IGF2BP3: variants seen among roughly 807,000 people sequenced by gnomAD.
IGF2BP3 encodes insulin-like growth factor 2 mRNA-binding protein 3.
IGF2BP3 carries 9 observed loss-of-function variants against 73.8 expected under a neutral mutation model. The observed-to-expected ratio is 0.12, with a 90% CI of 0.07 to 0.21. IGF2BP3 has a LOEUF of 0.21. Ranked by LOEUF, IGF2BP3 falls within the 10% of genes least tolerant of loss-of-function variation. The pLI is 1.00. For missense variants in IGF2BP3, 542 were observed against 714.0 expected (o/e 0.76, Z 2.75); for synonymous variants, 258 against 256.7 (o/e 1.01, Z -0.05).
intron 5 of IGF2BP3, among the ~76,000 whole-genome samples, chr7:23,352,392 G>A (rs549828524): frequency 2.1e-4 from 31 of 146,266 alleles, no homozygotes; most frequent in African/African-American, 7.8e-4. Context: ...GGGTTCAAGA[G>A]ATTCTTGTGC....
chr7:23,329,969 A>G (rs1023725180), intron 10 of IGF2BP3, among the ~76,000 whole-genome samples: 3 of 152,162 alleles, frequency 2.0e-5, no homozygotes, highest in East Asian at 1.9e-4. Flanking sequence ...GAAGCTCTCA[A>G]TGGGTATAGA....
At chr7:23,362,343 TC>T in intron 3 of IGF2BP3, among the ~76,000 whole-genome samples, 1 of 152,216 alleles carries the variant, frequency 6.6e-6, no homozygotes. Context: ...CTCGAATGGT[TC>T]TTACAAAACA....
In IGF2BP3 at chr7:23,312,322, G is replaced by A; in HGVS notation, c.*40C>T. The A allele has an allele frequency of 7.1e-7, 1 of 1,416,276 alleles. No individual in the cohort carries two copies. Among genetic ancestry groups the A allele is most frequent in the Non-Finnish European group, 1.0e-6 (1 of 1,001,556 alleles). 87.7% of individuals were successfully genotyped at this position (1,416,276 alleles called of 1,614,324 possible). On this transcript the variant is annotated 3_prime_UTR_variant, in exon 15 of 15. Transcript: ENST00000258729. The stretch of plus-strand genomic sequence containing the variant: ...CTGTTGGTTAAGCAATCTGTCTTTG[G>A]TTTGGCATCTGCCTCTGTGGTGGGC...
chr7:23,402,727 C>G (rs1295236251), intron 3 of IGF2BP3: 3 of 152,132 alleles, frequency 2.0e-5, no homozygotes, highest in Non-Finnish European at 2.9e-5. Context: ...TAAAAATCAG[C>G]TTGTCTTTTG....
chr7:23,409,511 G>A (rs750503601), intron 3 of IGF2BP3, among the ~76,000 whole-genome samples: 3 of 152,128 alleles, frequency 2.0e-5, no homozygotes, highest in South Asian at 2.1e-4. Flanking sequence ...TAAAGATACC[G>A]TAACCAAGAA....
chr7:23,445,054 T>C (rs1400406224), intron 2 of IGF2BP3, among the ~76,000 whole-genome samples: 2 of 152,154 alleles, frequency 1.3e-5, no homozygotes, highest in Non-Finnish European at 2.9e-5. Flanking sequence ...TGAGACCCTG[T>C]CTCTAAAAAA....
At chr7:23,451,713 C>A (rs1164627504) in intron 2 of IGF2BP3, among the ~76,000 whole-genome samples, 5 of 152,060 alleles carry the variant, frequency 3.3e-5, no homozygotes, top group Non-Finnish European at 5.9e-5. Context: ...CCTTGGGAGG[C>A]CGAGGCAAGC....
At chr7:23,373,269 CA>C (rs1017018427) in intron 3 of IGF2BP3, among the ~76,000 whole-genome samples, 1 of 152,134 alleles carries the variant, frequency 6.6e-6, no homozygotes, top group African/African-American at 2.4e-5. Context: ...TAAAAACATT[CA>C]AAATAGTTCA....
chr7:23,429,375 A>G (rs1392462304), intron 2 of IGF2BP3, among the ~76,000 whole-genome samples: 1 of 152,176 alleles, frequency 6.6e-6, no homozygotes, highest in Non-Finnish European at 1.5e-5. Flanking sequence ...TTAGGAAACA[A>G]AGGCAGAAGT....
At chr7:23,327,278 ATTTT>A (rs11332587) in intron 10 of IGF2BP3, among the ~76,000 whole-genome samples, 2 of 92,858 alleles carry the variant, frequency 2.2e-5, no homozygotes, top group Admixed American at 1.2e-4. Flanking sequence ...CTAATTTCTA[ATTTT>A]TTTTTTTTTT....
At chr7:23,423,906 T>A (rs1393957238) in intron 2 of IGF2BP3, among the ~76,000 whole-genome samples, 1 of 148,358 alleles carries the variant, frequency 6.7e-6, no homozygotes, top group East Asian at 2.1e-4. Flanking sequence ...GATCACGAGG[T>A]CAGAAGTTCG....
chr7:23,416,612 C>T (rs1243180698), intron 3 of IGF2BP3, among the ~76,000 whole-genome samples: 2 of 152,174 alleles, frequency 1.3e-5, no homozygotes, highest in Non-Finnish European at 2.9e-5. Context: ...TACATAAGGT[C>T]CGGTCATTCC....
At chr7:23,394,563 G>C (rs931667696) in intron 3 of IGF2BP3, 1 of 152,160 alleles carries the variant, frequency 6.6e-6, no homozygotes, top group Non-Finnish European at 1.5e-5. Flanking sequence ...TGAAGTTAGT[G>C]GTGAAGTTAA....
At chr7:23,390,798 GCCTTT>G (rs1786247599) in intron 3 of IGF2BP3, among the ~76,000 whole-genome samples, 2 of 143,708 alleles carry the variant, frequency 1.4e-5, no homozygotes, top group Non-Finnish European at 3.0e-5. Flanking sequence ...ATTTATTGTT[GCCTTT>G]TTTTTTTTTT....
intron 3 of IGF2BP3, among the ~76,000 whole-genome samples, chr7:23,374,211 A>T (rs183199663): frequency 6.6e-6 from 1 of 152,306 alleles, no homozygotes; most frequent in East Asian, 1.9e-4. Flanking sequence ...CCAATAATTG[A>T]AAGGTGAAAG....
rs532178988 is a variant in IGF2BP3, at chr7:23,469,607, G to C, written c.175+329C>G. 6.2e-6 allele frequency: 1 copy of C among 160,930 alleles called. No homozygotes were observed. Among genetic ancestry groups the C allele is most frequent in the African/African-American group, 2.4e-5 (1 of 41,844 alleles). The allele number at this position is 160,930 out of a possible 1,614,324, so 10.0% of individuals were successfully genotyped here. On this transcript the variant is annotated intron_variant, in intron 1 of 14. Coordinates refer to ENST00000258729, the MANE Select transcript of IGF2BP3 (RefSeq NM_006547.3). The surrounding 1 kb of genome is among the most constrained non-coding windows in gnomAD (Gnocchi z 6.1). ...TCGGCCCCCGAGGCCCAGCGTGCCG[G>C]GGCCTGGAGCACGCGCCTGGGCCCG... is the stretch of plus-strand genomic sequence containing the variant.
intron 3 of IGF2BP3, among the ~76,000 whole-genome samples, chr7:23,379,183 C>G (rs939308069): frequency 2.3e-4 from 35 of 152,206 alleles, no homozygotes; most frequent in Admixed American, 2.2e-3. Context: ...GAAATTTTTT[C>G]CTTTTGAAAT....
At chr7:23,356,026 G>A (rs775884662) in intron 5 of IGF2BP3, among the ~76,000 whole-genome samples, 5 of 151,938 alleles carry the variant, frequency 3.3e-5, no homozygotes, top group Non-Finnish European at 7.4e-5. Context: ...ACTTGAGGAA[G>A]AGGGGGAAAG....
At chr7:23,340,199 G>A (rs1758722103) in intron 10 of IGF2BP3, among the ~76,000 whole-genome samples, 1 of 152,062 alleles carries the variant, frequency 6.6e-6, no homozygotes, top group Admixed American at 6.6e-5. Flanking sequence ...GCCACTTCAG[G>A]GGGCACGTAA....
Sources: gnomAD v4.1 joint callset for allele counts (sites outside exome capture counted in the v4.1 genomes callset) on GRCh38, gnomAD v4.1.1 for gene constraint, Gnocchi (gnomAD v3.1) non-coding constraint, MANE v1.5 for transcripts, NCBI Gene and HGNC (gene_info 2026-07-23, HGNC 2026-07-21) for gene names.